NEURL1: variants seen among roughly 807,000 people sequenced by gnomAD.
The protein encoded by NEURL1 is E3 ubiquitin-protein ligase NEURL1.
A neutral mutation model predicts 41.2 loss-of-function variants in NEURL1; 26 were observed. The observed-to-expected ratio is 0.63, with a 90% confidence interval of 0.46 to 0.87. The LOEUF is 0.87. Among genes scored for constraint, NEURL1 ranks in the 40% least tolerant of loss-of-function variants. The pLI is 0.00. For synonymous variants in NEURL1, 400 were observed against 402.3 expected, an observed-to-expected ratio of 0.99 and a Z score of 0.07; for missense variants, 761 against 871.1, an observed-to-expected ratio of 0.87 and a Z score of 1.59.
chr10:103,588,297 C>T (rs557792248), intron 4 of NEURL1, among the ~76,000 whole-genome samples: 5 of 138,934 alleles, frequency 3.6e-5, no homozygotes, highest in African/African-American at 1.4e-4. Flanking sequence ...CAGAGCAAGA[C>T]TCCGTCTCAA....
chr10:103,577,598 T>A (rs2133880974), intron 3 of NEURL1: 1 of 152,320 alleles, frequency 6.6e-6, no homozygotes, highest in Admixed American at 6.5e-5. Flanking sequence ...GATCTCCCTA[T>A]TAGGTCTGGA....
At position 103,494,205 on chromosome 10, in the gene NEURL1, G is replaced by T. The variant is rs2033623749; in HGVS notation, c.-183G>T. 1 of 519,272 alleles carries T rather than the reference G, an allele frequency of 1.9e-6. No homozygotes were observed. Among genetic ancestry groups the T allele is most frequent in the Non-Finnish European group, 3.3e-6 (1 of 298,536 alleles). 32.2% of individuals were successfully genotyped at this position (519,272 alleles called of 1,614,324 possible). On this transcript the variant is annotated 5_prime_UTR_variant, in exon 1 of 6. Coordinates refer to ENST00000369780, the MANE Select transcript of NEURL1 (RefSeq NM_004210.5). ...AGGACACCCGTGGCGGGCGGAACCC[G>T]CCAAGGACCGCGAAGTCCAGAGAAA...
intron 1 of NEURL1, among the ~76,000 whole-genome samples, chr10:103,554,976 A>C (rs2035113590): frequency 6.6e-6 from 1 of 151,706 alleles, no homozygotes; most frequent in African/African-American, 2.4e-5. Flanking sequence ...TGTGATGGGG[A>C]TGTGTGTGCG....
chr10:103,516,879 C>A (rs1202985109), intron 1 of NEURL1, among the ~76,000 whole-genome samples: 1 of 151,572 alleles, frequency 6.6e-6, no homozygotes, highest in Non-Finnish European at 1.5e-5. Flanking sequence ...TCCTCCCTCC[C>A]TCCCTCCCTC....
At chr10:103,519,433 T>G (rs1564808123) in intron 1 of NEURL1, among the ~76,000 whole-genome samples, 1 of 152,204 alleles carries the variant, frequency 6.6e-6, no homozygotes, top group East Asian at 1.9e-4. Context: ...CTAGAAAAGG[T>G]TAAATTTTGT....
intron 1 of NEURL1, among the ~76,000 whole-genome samples, chr10:103,501,618 T>TTTATTTATTATTATTATTA (rs1554888031): frequency 7.0e-6 from 1 of 142,596 alleles, no homozygotes; most frequent in Non-Finnish European, 1.5e-5. Flanking sequence ...TCCCACTTTA[T>TTTATTTATTATTATTATTA]TTATTATTAT....
chr10:103,504,968 T>C (rs965356402), intron 1 of NEURL1, among the ~76,000 whole-genome samples: 1 of 151,952 alleles, frequency 6.6e-6, no homozygotes, highest in African/African-American at 2.4e-5. Context: ...TCATTTCTCA[T>C]CCTTGGCCTC....
chr10:103,552,940 T>A (rs1469079179), intron 1 of NEURL1, among the ~76,000 whole-genome samples: 1 of 152,016 alleles, frequency 6.6e-6, no homozygotes, highest in Non-Finnish European at 1.5e-5. Flanking sequence ...CCAGAAGAAG[T>A]GTTCCCAGTG....
chr10:103,588,044 C>T (rs1009014751), intron 4 of NEURL1, among the ~76,000 whole-genome samples: 6 of 152,054 alleles, frequency 3.9e-5, no homozygotes, highest in African/African-American at 1.4e-4. Context: ...GCGGCTCACA[C>T]CTGTAATCTC....
At chr10:103,511,802 G>GTC (rs1564805621) in intron 1 of NEURL1, 1 of 152,302 alleles carries the variant, frequency 6.6e-6, no homozygotes, top group Non-Finnish European at 1.5e-5. Flanking sequence ...ATTTTTTACT[G>GTC]TCTCTCTTGC....
At position 103,590,688 on chromosome 10, in the gene NEURL1, A is replaced by C. The variant is rs1217021949; in HGVS notation, c.*316A>C. On this transcript the variant is annotated 3_prime_UTR_variant, in exon 6 of 6. Transcript: ENST00000369780. ...TCTCAGCCTGCCCTAATCTTTCCCC[A>C]TCTGAGGCAGGTTTCTAGGAGGTGT... 3 of 390,054 alleles carry C rather than the reference A, an allele frequency of 7.7e-6. No individual in the cohort carries two copies. The highest frequency in any genetic ancestry group is 4.1e-5 in the African/African-American group (2 of 49,158). 24.2% of individuals were successfully genotyped at this position (390,054 alleles called of 1,614,324 possible). A position where few individuals can be genotyped will look rare whatever the true frequency, so the allele number is the denominator to read the frequency against.
chr10:103,529,266 C>A (rs560382840), intron 1 of NEURL1, among the ~76,000 whole-genome samples: 1 of 152,230 alleles, frequency 6.6e-6, no homozygotes, highest in Admixed American at 6.5e-5. Context: ...TTTGATGGAT[C>A]TTTGTTCGAT....
In NEURL1 at chr10:103,529,628, TA is replaced by T. The variant is rs565799937; in HGVS notation, c.85+35157del. The stretch of plus-strand genomic sequence containing the variant: ...TGCTTTTTGCACTTATGTAAATAAC[TA>T]TATTGCCATAAGTTAAGAATACTCA... On this transcript the variant is annotated intron_variant, in intron 1 of 5. Transcript: ENST00000369780. Among the ~76,000 whole-genome samples the T allele has an allele frequency of 2.0e-5, 3 of 152,368 alleles. No individual in the cohort carries two copies. In the South Asian group the frequency reaches 6.2e-4, roughly 32 times the overall value.
intron 3 of NEURL1, 86 bp from the exon 4 acceptor site, chr10:103,584,450 G>A (rs1413778458): frequency 1.2e-6 from 1 of 866,344 alleles, no homozygotes; most frequent in Non-Finnish European, 1.6e-6. Flanking sequence ...GATTGTAACG[G>A]TGCGCGCGTA....
chr10:103,517,947 C>T (rs921858682), intron 1 of NEURL1, among the ~76,000 whole-genome samples: 4 of 152,310 alleles, frequency 2.6e-5, no homozygotes, highest in East Asian at 1.9e-4. Context: ...CCCTTTTCAC[C>T]GATCTTTGGC....
chr10:103,558,260 G>A lies in NEURL1; in HGVS notation c.86-12612G>A, dbSNP rs1312550178. 2 of 985,322 alleles carry A rather than the reference G, an allele frequency of 2.0e-6. No homozygotes were observed. Among genetic ancestry groups the A allele is most frequent in the Non-Finnish European group, 2.4e-6 (2 of 829,878 alleles). The allele number at this position is 985,322 out of a possible 1,614,324, so 61.0% of individuals were successfully genotyped here. A position where few individuals can be genotyped will look rare whatever the true frequency, so the allele number is the denominator to read the frequency against. On this transcript the variant is annotated intron_variant, in intron 1 of 5. Coordinates refer to ENST00000369780, the MANE Select transcript of NEURL1 (RefSeq NM_004210.5). The surrounding 1 kb of genome is among the most constrained non-coding windows in gnomAD (Gnocchi z 4.2). ...ATTGCTGCGTTAAAGTGAGTGAGGGGAGGGTGACAGGAGGACCCAGGACTC... is the reference window on the plus strand; with the variant it reads ...ATTGCTGCGTTAAAGTGAGTGAGGGAAGGGTGACAGGAGGACCCAGGACTC...
intron 1 of NEURL1, among the ~76,000 whole-genome samples, chr10:103,540,130 G>A (rs2034788154): frequency 6.6e-6 from 1 of 152,134 alleles, no homozygotes; most frequent in South Asian, 2.1e-4. Flanking sequence ...TTTATTACTA[G>A]CAACCAAATG....
At chr10:103,541,650 C>G (rs1441225414) in intron 1 of NEURL1, among the ~76,000 whole-genome samples, 1 of 152,194 alleles carries the variant, frequency 6.6e-6, no homozygotes, top group Non-Finnish European at 1.5e-5. Flanking sequence ...AGCGTCCACC[C>G]TGCAGTGGAA....
chr10:103,568,349 C>T lies in NEURL1; in HGVS notation c.86-2523C>T, dbSNP rs553129465. ...GCCCCTTTGTCTCCACTGTATTTGC[C>T]CAGAGTCAGTGTTTTCTGTGCCGTT... On this transcript the variant is annotated intron_variant, in intron 1 of 5. Coordinates refer to ENST00000369780, the MANE Select transcript of NEURL1 (RefSeq NM_004210.5). Among the ~76,000 whole-genome samples the T allele has an allele frequency of 1.4e-4, 22 of 152,262 alleles. No individual in the cohort carries two copies. The South Asian group carries it at 2.3e-3, about 16-fold the overall frequency.
Sources: allele counts gnomAD v4.1 joint callset (sites outside exome capture counted in the v4.1 genomes callset), GRCh38; gene constraint gnomAD v4.1.1; non-coding constraint Gnocchi (gnomAD v3.1); transcripts MANE v1.5; gene names NCBI Gene and HGNC (gene_info 2026-07-23, HGNC 2026-07-21).